The following CEP63 variants were observed in gnomAD, a reference collection of about 807,000 sequenced individuals.
CEP63 encodes centrosomal protein of 63 kDa.
In CEP63, 84 loss-of-function variants were observed where a neutral mutation model predicts 89.1. The ratio of observed to expected loss-of-function variants is 0.94; its 90% CI spans 0.79 to 1.13. The LOEUF is 1.13. Ranked by LOEUF, CEP63 falls within the 50% of genes most tolerant of loss-of-function variation. The probability of loss-of-function intolerance (pLI) is 0.00; values close to 1 mark genes in which losing one functional copy is unlikely to be tolerated. For synonymous variants in CEP63, 267 were observed against 272.5 expected (o/e 0.98, Z 0.20); for missense variants, 838 against 813.3 (o/e 1.03, Z -0.37).
At chr3:134,713,058 T>A in the CEP63 span, among the ~76,000 whole-genome samples, 1 of 152,190 alleles carries the variant, frequency 6.6e-6, no homozygotes, top group African/African-American at 2.4e-5. Flanking sequence ...AGGACAGGCA[T>A]CTGTAACAAA....
the CEP63 span, among the ~76,000 whole-genome samples, chr3:134,679,488 A>G: frequency 6.6e-6 from 1 of 152,204 alleles, no homozygotes; most frequent in Non-Finnish European, 1.5e-5. Context: ...ATCTCACTGC[A>G]GAACAGCATG....
At chr3:134,745,838 A>G in the CEP63 span, among the ~76,000 whole-genome samples, 4 of 151,220 alleles carry the variant, frequency 2.6e-5, no homozygotes, top group Non-Finnish European at 5.9e-5. Flanking sequence ...AGCGTCACCC[A>G]TGTCCCTGAA....
chr3:134,580,220 A>G (rs1273001503), intron 10 of CEP63, among the ~76,000 whole-genome samples: 3 of 152,016 alleles, frequency 2.0e-5, no homozygotes, highest in East Asian at 1.9e-4. Context: ...ACACTAAGTA[A>G]AAGAAGCCAA....
intron 3 of CEP63, among the ~76,000 whole-genome samples, chr3:134,515,178 T>C (rs1559914630): frequency 6.6e-6 from 1 of 152,170 alleles, no homozygotes; most frequent in Non-Finnish European, 1.5e-5. Flanking sequence ...CCATTAAAAG[T>C]ATATATTAGT....
At chr3:134,596,763 G>A in the CEP63 span, among the ~76,000 whole-genome samples, 1 of 152,152 alleles carries the variant, frequency 6.6e-6, no homozygotes, top group South Asian at 2.1e-4. Flanking sequence ...ACATCCTAGG[G>A]GCAGAACCTC....
the CEP63 span, among the ~76,000 whole-genome samples, chr3:134,593,927 A>G: frequency 6.6e-6 from 1 of 152,288 alleles, no homozygotes; most frequent in Admixed American, 6.5e-5. Flanking sequence ...ATGAATGCCA[A>G]AAGGTTCATG....
chr3:134,689,397 C>T, the CEP63 span, among the ~76,000 whole-genome samples: 5 of 152,044 alleles, frequency 3.3e-5, no homozygotes, highest in Admixed American at 3.3e-4. Flanking sequence ...AGTCCAAAAA[C>T]AGAGCTTCAC....
chr3:134,604,566 C>T, the CEP63 span: 17 of 1,118,380 alleles, frequency 1.5e-5, no homozygotes, highest in Non-Finnish European at 1.9e-5. Flanking sequence ...GGGAGAAAAA[C>T]GTCCTGACTT....
chr3:134,503,653 CTAA>C (rs1942683204), intron 2 of CEP63, among the ~76,000 whole-genome samples: 1 of 151,978 alleles, frequency 6.6e-6, no homozygotes, highest in African/African-American at 2.4e-5. Flanking sequence ...CTCTTTAGCT[CTAA>C]TAATATTTGC....
the CEP63 span, among the ~76,000 whole-genome samples, chr3:134,702,412 C>G: frequency 6.6e-6 from 1 of 151,028 alleles, no homozygotes; most frequent in Admixed American, 6.6e-5. Flanking sequence ...GCCCGAATAG[C>G]CAAGGTAATC....
At chr3:134,650,984 G>A in the CEP63 span, 18 of 1,612,632 alleles carry the variant, frequency 1.1e-5, no homozygotes, top group Middle Eastern at 1.7e-4. Flanking sequence ...TTCCGACCTG[G>A]GCGCCGCGGC....
intron 10 of CEP63, among the ~76,000 whole-genome samples, chr3:134,581,658 ATACACAT>A (rs1359227254): frequency 6.7e-6 from 1 of 149,762 alleles, no homozygotes; most frequent in African/African-American, 2.5e-5. Context: ...ACAGAACTCA[ATACACAT>A]TCATGATGAA....
At chr3:134,514,908 G>A (rs1576951458) in intron 3 of CEP63, among the ~76,000 whole-genome samples, 1 of 152,264 alleles carries the variant, frequency 6.6e-6, no homozygotes, top group Non-Finnish European at 1.5e-5. Flanking sequence ...AATAATAGAT[G>A]GAGTTTTGCT....
the CEP63 span, among the ~76,000 whole-genome samples, chr3:134,691,637 G>A: frequency 2.0e-5 from 3 of 152,054 alleles, no homozygotes; most frequent in Non-Finnish European, 2.9e-5. Flanking sequence ...ATATTTCTCA[G>A]TTCATTAAAA....
Position 134,541,550 on chromosome 3 carries a change from T to C in CEP63, c.556-4036T>C. On this transcript the variant is annotated intron_variant, in intron 6 of 14. Coordinates refer to ENST00000675561, the MANE Select transcript of CEP63 (RefSeq NM_001353108.3). ...TTTTTTTTGAGACGGATTTTCGCTC[T>C]TGTTGCCCAGGCTGGAGTGCAGTGG... is the stretch of plus-strand genomic sequence containing the variant. Among the ~76,000 whole-genome samples the C allele has an allele frequency of 2.0e-5, 3 of 149,638 alleles. 1 individual carries two copies. In the South Asian group the frequency reaches 6.4e-4, roughly 32 times the overall value.
the CEP63 span, among the ~76,000 whole-genome samples, chr3:134,743,757 G>A: frequency 2.6e-5 from 4 of 152,132 alleles, no homozygotes; most frequent in African/African-American, 7.2e-5. Context: ...ACCTAGCTAT[G>A]TCTTCTTCCC....
chr3:134,652,000 C>G, the CEP63 span, among the ~76,000 whole-genome samples: 1 of 152,076 alleles, frequency 6.6e-6, no homozygotes, highest in Non-Finnish European at 1.5e-5. Context: ...CTCTGGGAGC[C>G]CTCCCCGCAT....
At chr3:134,618,035 T>C in the CEP63 span, among the ~76,000 whole-genome samples, 88 of 152,102 alleles carry the variant, frequency 5.8e-4, no homozygotes, top group African/African-American at 2.1e-3. Context: ...CTGGGTGGCA[T>C]ATTCTGTACC....
the CEP63 span, among the ~76,000 whole-genome samples, chr3:134,749,378 G>A: frequency 6.6e-6 from 1 of 152,132 alleles, no homozygotes; most frequent in Non-Finnish European, 1.5e-5. Context: ...GGTGGACTGG[G>A]GAGGGACCAG....
Sources: allele counts gnomAD v4.1 joint callset (sites outside exome capture counted in the v4.1 genomes callset), GRCh38; gene constraint gnomAD v4.1.1; transcripts MANE v1.5; gene names NCBI Gene and HGNC (gene_info 2026-07-23, HGNC 2026-07-21).